The following TMEM163 variants were observed in gnomAD, a reference collection of about 807,000 sequenced individuals.
The protein encoded by TMEM163 is transmembrane protein 163.
In TMEM163, 17 loss-of-function variants were observed where a neutral mutation model predicts 29.3. The observed-to-expected ratio is 0.58, with a 90% CI of 0.40 to 0.87. The LOEUF is 0.87. Among genes scored for constraint, TMEM163 ranks in the 40% least tolerant of loss-of-function variants. TMEM163 has a pLI of 0.00. For synonymous variants in TMEM163, 157 were observed against 160.6 expected (o/e 0.98, Z 0.17); for missense variants, 303 against 381.5 (o/e 0.79, Z 1.71).
intron 2 of TMEM163, among the ~76,000 whole-genome samples, chr2:134,615,044 GACAC>G (rs1327097805): frequency 6.6e-6 from 1 of 151,448 alleles, no homozygotes; most frequent in East Asian, 1.9e-4. Context: ...CATTAACATA[GACAC>G]ACACACACAG....
chr2:134,707,658 G>A (rs796495216), intron 2 of TMEM163, among the ~76,000 whole-genome samples: 9 of 152,242 alleles, frequency 5.9e-5, no homozygotes, highest in African/African-American at 2.2e-4. Flanking sequence ...CATCCATGCA[G>A]GAGGGGCACA....
chr2:134,488,819 A>G (rs1268468145), intron 5 of TMEM163, among the ~76,000 whole-genome samples: 1 of 152,232 alleles, frequency 6.6e-6, no homozygotes, highest in African/African-American at 2.4e-5. Flanking sequence ...CAAAACATAT[A>G]AAGCAGCAAT....
intron 2 of TMEM163, among the ~76,000 whole-genome samples, chr2:134,576,763 C>T (rs1020116929): frequency 3.3e-5 from 5 of 152,212 alleles, no homozygotes; most frequent in African/African-American, 1.2e-4. Flanking sequence ...ACCTTGCAGA[C>T]AGGTCCACCT....
In TMEM163 at chr2:134,458,188, G is replaced by A. The variant is rs377106965; in HGVS notation, c.668-15C>T. The A allele has an allele frequency of 3.6e-5, 58 of 1,613,842 alleles. No individual in the cohort carries two copies. The highest frequency in any genetic ancestry group is 4.7e-5 in the Non-Finnish European group (56 of 1,179,924). On this transcript the variant is annotated splice_polypyrimidine_tract_variant and intron_variant, in intron 6 of 7. Transcript: ENST00000281924. ...GGAGTTAAACCCTGCAAAGGAAGTG[G>A]AGAGAGGCTAGATGGCAGTGCCAAG...
rs572429438 is a variant in TMEM163, at chr2:134,675,340, T to C, written c.322+37860A>G. 2.0e-5 allele frequency among the ~76,000 whole-genome samples: 3 copies of C among 152,362 alleles called. No individual in the cohort carries two copies. The South Asian group carries it at 6.2e-4, about 32-fold the overall frequency. On this transcript the variant is annotated intron_variant, in intron 2 of 7. Coordinates refer to ENST00000281924, the MANE Select transcript of TMEM163 (RefSeq NM_030923.5). ...CAACAAGTGAAAGAAATCTAAACCATGTAGGCATAAGGAGAATTTATATCT... is the reference window on the plus strand; with the variant it reads ...CAACAAGTGAAAGAAATCTAAACCACGTAGGCATAAGGAGAATTTATATCT...
rs1686399117 is a variant in TMEM163, at chr2:134,456,521, C to T, written c.*195G>A. 4 of 638,264 alleles carry T rather than the reference C, an allele frequency of 6.3e-6. No individual in the cohort carries two copies. In the Admixed American group the frequency reaches 7.3e-5, roughly 12 times the overall value. 39.5% of individuals were successfully genotyped at this position (638,264 alleles called of 1,614,324 possible). The stretch of plus-strand genomic sequence containing the variant: ...GGAGGTCCATTCCTATGGGCATTGT[C>T]CCAACATGTTTGATGGGGGCGGCAG... On this transcript the variant is annotated 3_prime_UTR_variant, in exon 8 of 8. Coordinates refer to ENST00000281924, the MANE Select transcript of TMEM163 (RefSeq NM_030923.5).
chr2:134,693,256 A>G (rs1039703550), intron 2 of TMEM163, among the ~76,000 whole-genome samples: 24 of 152,180 alleles, frequency 1.6e-4, no homozygotes, highest in African/African-American at 5.8e-4. Context: ...AGAGTAAGAC[A>G]TTTAAAAAAA....
chr2:134,627,950 C>A (rs531132832), intron 2 of TMEM163, among the ~76,000 whole-genome samples: 1 of 152,138 alleles, frequency 6.6e-6, no homozygotes, highest in South Asian at 2.1e-4. Context: ...AATGTATAAT[C>A]TATCTAATTA....
chr2:134,705,926 G>A (rs192411893), intron 2 of TMEM163, among the ~76,000 whole-genome samples: 73 of 152,304 alleles, frequency 4.8e-4, no homozygotes, highest in African/African-American at 1.3e-3. Context: ...CCTGGGGCTC[G>A]CCGCCCAGCT....
At chr2:134,504,928 G>C (rs1232144176) in intron 4 of TMEM163, among the ~76,000 whole-genome samples, 5 of 152,110 alleles carry the variant, frequency 3.3e-5, no homozygotes, top group Non-Finnish European at 7.4e-5. Flanking sequence ...GATTCCTAGG[G>C]CTTGGGAATC....
At chr2:134,612,542 A>AAC (rs3039625) in intron 2 of TMEM163, among the ~76,000 whole-genome samples, 20,032 of 140,516 alleles carry the variant, frequency 0.14, 1,564 homozygotes, top group Middle Eastern at 0.37. Context: ...GGTTTGCCCC[A>AAC]ACACACACAC....
chr2:134,628,825 G>C (rs1052438583), intron 2 of TMEM163, among the ~76,000 whole-genome samples: 30 of 152,298 alleles, frequency 2.0e-4, no homozygotes, highest in African/African-American at 7.2e-4. Context: ...TCTGAGTCTT[G>C]TGGGTCCTTC....
intron 2 of TMEM163, among the ~76,000 whole-genome samples, chr2:134,639,938 T>C (rs1683189937): frequency 6.6e-6 from 1 of 152,198 alleles, no homozygotes; most frequent in Non-Finnish European, 1.5e-5. Context: ...TCTTACTCAC[T>C]TCTTTCCTGG....
intron 2 of TMEM163, among the ~76,000 whole-genome samples, chr2:134,564,861 A>G (rs952129693): frequency 3.9e-5 from 6 of 152,236 alleles, no homozygotes; most frequent in East Asian, 1.9e-4. Flanking sequence ...GTTAGTAAGG[A>G]TGCAATACAA....
intron 2 of TMEM163, among the ~76,000 whole-genome samples, chr2:134,620,027 C>G (rs187381978): frequency 6.2e-4 from 95 of 152,186 alleles, no homozygotes; most frequent in African/African-American, 1.5e-3. Context: ...AAATAAAGAT[C>G]TAAATAGAAG....
intron 2 of TMEM163, among the ~76,000 whole-genome samples, chr2:134,659,281 A>G (rs1683694616): frequency 6.6e-6 from 1 of 152,242 alleles, no homozygotes; most frequent in African/African-American, 2.4e-5. Context: ...ACTGTCATGT[A>G]TGCAGTGGAC....
intron 4 of TMEM163, among the ~76,000 whole-genome samples, chr2:134,510,565 T>C (rs1679925120): frequency 6.6e-6 from 1 of 151,906 alleles, no homozygotes; most frequent in South Asian, 2.1e-4. Context: ...AGAATCAAGA[T>C]GGAAAGACAC....
At chr2:134,709,171 A>T (rs959605650) in intron 2 of TMEM163, among the ~76,000 whole-genome samples, 1 of 152,206 alleles carries the variant, frequency 6.6e-6, no homozygotes, top group African/African-American at 2.4e-5. Flanking sequence ...TCATTATTAA[A>T]ACAGACTTTT....
At chr2:134,535,269 AACAC>A (rs368488266) in intron 4 of TMEM163, among the ~76,000 whole-genome samples, 2 of 151,838 alleles carry the variant, frequency 1.3e-5, no homozygotes, top group African/African-American at 2.4e-5. Context: ...TCTCACTGAA[AACAC>A]ACACACACAC....
Sources: allele counts gnomAD v4.1 joint callset (sites outside exome capture counted in the v4.1 genomes callset), GRCh38; gene constraint gnomAD v4.1.1; transcripts MANE v1.5; gene names NCBI Gene and HGNC (gene_info 2026-07-23, HGNC 2026-07-21).